The following B4GALT5 variants were observed in gnomAD, a reference collection of about 807,000 sequenced individuals.
B4GALT5 encodes the protein UDP-Gal:beta-GlcNAc beta-1,4-galactosyltransferase 5.
A neutral mutation model predicts 45.0 loss-of-function variants in B4GALT5; 11 were observed. That is an observed-to-expected ratio of 0.24 (90% CI 0.15 to 0.40). The LOEUF (loss-of-function observed/expected upper bound fraction) is 0.40. Among genes scored for constraint, B4GALT5 ranks in the 10% least tolerant of loss-of-function variants. The pLI is 1.00. For synonymous variants in B4GALT5, 185 were observed against 182.9 expected, an observed-to-expected ratio of 1.01 and a Z score of -0.09; for missense variants, 337 against 500.2, an observed-to-expected ratio of 0.67 and a Z score of 3.11.
chr20:49,674,778 A>G (rs187157616), intron 1 of B4GALT5, among the ~76,000 whole-genome samples: 129 of 152,328 alleles, frequency 8.5e-4, no homozygotes, highest in African/African-American at 3.1e-3. Context: ...ACTAAAAGAA[A>G]TGATAAATAT....
At chr20:49,667,188 C>T (rs1478669233) in intron 1 of B4GALT5, among the ~76,000 whole-genome samples, 1 of 152,108 alleles carries the variant, frequency 6.6e-6, no homozygotes, top group African/African-American at 2.4e-5. Context: ...TACTATGCTG[C>T]CCACACTTTG....
chr20:49,638,513 A>G (rs1021183313), intron 7 of B4GALT5, among the ~76,000 whole-genome samples: 4 of 152,226 alleles, frequency 2.6e-5, no homozygotes, highest in African/African-American at 9.6e-5. Flanking sequence ...AAGCTTGTAC[A>G]GTACAAGCCT....
chr20:49,641,513 G>C (rs941508750), intron 5 of B4GALT5, among the ~76,000 whole-genome samples: 1 of 152,188 alleles, frequency 6.6e-6, no homozygotes, highest in African/African-American at 2.4e-5. Flanking sequence ...TAGTGTTACA[G>C]CTACATTGAC....
chr20:49,676,928 C>T (rs963713930), intron 1 of B4GALT5, among the ~76,000 whole-genome samples: 4 of 152,188 alleles, frequency 2.6e-5, no homozygotes, highest in African/African-American at 9.7e-5. Context: ...TTCTGTATTC[C>T]ACCTATGTAA....
intron 1 of B4GALT5, among the ~76,000 whole-genome samples, chr20:49,694,260 C>A (rs936432534): frequency 1.3e-5 from 2 of 152,110 alleles, no homozygotes; most frequent in Non-Finnish European, 2.9e-5. Flanking sequence ...AGGCTTCACA[C>A]CTACCTACCA....
In B4GALT5 at chr20:49,636,311, C is replaced by G; in HGVS notation, c.*1G>C. 1.2e-6 allele frequency: 2 copies of G among 1,614,086 alleles called. No homozygotes were observed. The highest frequency in any genetic ancestry group is 1.1e-5 in the South Asian group (1 of 91,070). The stretch of plus-strand genomic sequence containing the variant: ...GTAAAGCAAACGTACATTCTCTCCT[C>G]TCAGTACTCGTTCACCTGAGCCAGC... On this transcript the variant is annotated 3_prime_UTR_variant, in exon 9 of 9. Transcript: ENST00000371711.
chr20:49,662,600 T>C (rs532490268), intron 1 of B4GALT5, among the ~76,000 whole-genome samples: 41 of 152,322 alleles, frequency 2.7e-4, no homozygotes, highest in African/African-American at 9.6e-4. Flanking sequence ...CCCCTCCTCC[T>C]TTCTGAGAGG....
At chr20:49,685,924 CA>C (rs199658998) in intron 1 of B4GALT5, among the ~76,000 whole-genome samples, 2,989 of 119,988 alleles carry the variant, frequency 0.025, 51 homozygotes, top group East Asian at 0.11. Context: ...GATAAATGTG[CA>C]AAAAAAAAAA....
chr20:49,641,637 A>G (rs979903511), intron 5 of B4GALT5, among the ~76,000 whole-genome samples: 6 of 152,218 alleles, frequency 3.9e-5, no homozygotes, highest in African/African-American at 1.4e-4. Flanking sequence ...TCACTCCAGT[A>G]TAAGGCAAGC....
intron 1 of B4GALT5, among the ~76,000 whole-genome samples, chr20:49,686,274 G>T (rs1371836326): frequency 6.6e-6 from 1 of 151,954 alleles, no homozygotes; most frequent in Non-Finnish European, 1.5e-5. Context: ...ATTCCAAATG[G>T]TTACTACTTA....
chr20:49,708,079 CAAA>C (rs11469156), intron 1 of B4GALT5, among the ~76,000 whole-genome samples: 13 of 119,122 alleles, frequency 1.1e-4, no homozygotes, highest in East Asian at 5.0e-4. Flanking sequence ...ACTAAAAATA[CAAA>C]AAAAAAAAAA....
At chr20:49,702,414 A>G (rs2085865842) in intron 1 of B4GALT5, among the ~76,000 whole-genome samples, 1 of 152,236 alleles carries the variant, frequency 6.6e-6, no homozygotes, top group African/African-American at 2.4e-5. Context: ...TAAAAGCATA[A>G]ACAAAAAATT....
intron 1 of B4GALT5, among the ~76,000 whole-genome samples, chr20:49,700,659 A>C (rs923473165): frequency 6.6e-6 from 1 of 152,234 alleles, no homozygotes; most frequent in African/African-American, 2.4e-5. Flanking sequence ...TCACTTGAAC[A>C]CAAGCACTGT....
intron 1 of B4GALT5, among the ~76,000 whole-genome samples, chr20:49,662,544 A>C (rs1400028405): frequency 6.6e-6 from 1 of 152,176 alleles, no homozygotes; most frequent in East Asian, 1.9e-4. Flanking sequence ...GTGCTCCAGG[A>C]GGCATGGAGA....
intron 1 of B4GALT5, among the ~76,000 whole-genome samples, chr20:49,691,180 C>T (rs543280897): frequency 5.3e-5 from 8 of 152,156 alleles, no homozygotes; most frequent in East Asian, 1.9e-4. Flanking sequence ...ATTAAAATGA[C>T]GGTGCGGGGC....
intron 3 of B4GALT5, 75 bp from the exon 4 acceptor site, chr20:49,643,725 T>G: frequency 1.3e-6 from 2 of 1,509,474 alleles, no homozygotes; most frequent in Non-Finnish European, 1.8e-6. Flanking sequence ...TTTTAGTCTC[T>G]GGAGAGCGCA....
At position 49,673,999 on chromosome 20, in the gene B4GALT5, A is replaced by G. The variant is rs527982768; in HGVS notation, c.116-17297T>C. On this transcript the variant is annotated intron_variant, in intron 1 of 8. Transcript: ENST00000371711. The stretch of plus-strand genomic sequence containing the variant: ...ACGCCTGTAATCCCACCACTTTGGG[A>G]GGCCGAGGTGGGCGGATCACGAGGT... Among the ~76,000 whole-genome samples, 9 of 145,694 alleles carry G rather than the reference A, an allele frequency of 6.2e-5. 1 individual carries two copies. The highest frequency in any genetic ancestry group is 2.0e-4 in the African/African-American group (8 of 39,640).
chr20:49,678,392 C>A (rs1465610856), intron 1 of B4GALT5, among the ~76,000 whole-genome samples: 1 of 152,232 alleles, frequency 6.6e-6, no homozygotes, highest in Non-Finnish European at 1.5e-5. Context: ...AATAATTTGG[C>A]TGGACAAGAA....
intron 1 of B4GALT5, among the ~76,000 whole-genome samples, chr20:49,662,905 G>C (rs1041178812): frequency 6.6e-5 from 10 of 152,172 alleles, no homozygotes; most frequent in Admixed American, 6.5e-4. Context: ...CACTCCCATG[G>C]ATGAGTACCA....
Sources: allele counts gnomAD v4.1 joint callset (sites outside exome capture counted in the v4.1 genomes callset), GRCh38; gene constraint gnomAD v4.1.1; transcripts MANE v1.5; gene names NCBI Gene and HGNC (gene_info 2026-07-23, HGNC 2026-07-21).